BDKRB1: variants seen among roughly 807,000 people sequenced by gnomAD.
BDKRB1 encodes bradykinin receptor B1.
For missense variants in BDKRB1, 414 were observed against 441.4 expected (o/e 0.94, Z 0.56); for synonymous variants, 192 against 189.1 (o/e 1.02, Z -0.13).
chr14:96,256,662 T>A (rs1166652139), intron 1 of BDKRB1, among the ~76,000 whole-genome samples: 1 of 152,172 alleles, frequency 6.6e-6, no homozygotes, highest in African/African-American at 2.4e-5. Context: ...TCATAAAAAT[T>A]AAATTAGTCT....
At chr14:96,259,287 A>AG (rs1885690652) in intron 1 of BDKRB1, 1 of 129,276 alleles carries the variant, frequency 7.7e-6, no homozygotes, top group Admixed American at 7.2e-5. Context: ...AATGTCCACT[A>AG]AAATTGATTG....
chr14:96,260,684 A>G (rs941602557), intron 1 of BDKRB1, among the ~76,000 whole-genome samples: 2 of 152,194 alleles, frequency 1.3e-5, no homozygotes, highest in African/African-American at 4.8e-5. Context: ...CTCAGCTTCC[A>G]TGTGCCATGG....
chr14:96,259,409 C>A (rs1490944027), intron 1 of BDKRB1: 1 of 152,162 alleles, frequency 6.6e-6, no homozygotes, highest in Admixed American at 6.5e-5. Flanking sequence ...TATGTTTTAA[C>A]ATTTTGTAAA....
Position 96,262,606 on chromosome 14 carries a change from C to CTTTTT in BDKRB1, c.-129-30_-129-26dup, listed in dbSNP as rs34474132. The CTTTTT allele has an allele frequency of 1.3e-3, 389 of 310,712 alleles. 3 individuals are homozygous for CTTTTT. Among genetic ancestry groups the CTTTTT allele is most frequent in the South Asian group, 1.7e-3 (81 of 47,232 alleles). The allele number at this position is 310,712 out of a possible 1,614,324, so 19.2% of individuals were successfully genotyped here. On this transcript the variant is annotated intron_variant, in intron 1 of 2. Transcript: ENST00000216629. Reference sequence around the variant, plus strand: ...TTTTTCTTTTCTCTCTCTCTCTCTCCTTTTTTTTTTTTTTTTTTTTGTTGT... The same window carrying CTTTTT: ...TTTTTCTTTTCTCTCTCTCTCTCTCCTTTTTTTTTTTTTTTTTTTTTTTTTGTTGT...
chr14:96,257,337 T>C (rs141542618), intron 1 of BDKRB1, among the ~76,000 whole-genome samples: 85 of 152,320 alleles, frequency 5.6e-4, no homozygotes, highest in African/African-American at 1.9e-3. Context: ...CTATAATTAA[T>C]TATCACAAAG....
At chr14:96,261,897 G>A (rs1189151118) in intron 1 of BDKRB1, among the ~76,000 whole-genome samples, 1 of 152,218 alleles carries the variant, frequency 6.6e-6, no homozygotes, top group African/African-American at 2.4e-5. Context: ...ATGAGCACAG[G>A]ATGGGATCTA....
At chr14:96,257,543 G>T (rs1342685004) in intron 1 of BDKRB1, among the ~76,000 whole-genome samples, 1 of 152,002 alleles carries the variant, frequency 6.6e-6, no homozygotes, top group Non-Finnish European at 1.5e-5. Flanking sequence ...GATTTGGGTG[G>T]GGACACAGCC....
chr14:96,261,370 T>C (rs972505210), intron 1 of BDKRB1, among the ~76,000 whole-genome samples: 7 of 152,228 alleles, frequency 4.6e-5, no homozygotes, highest in African/African-American at 1.7e-4. Context: ...TCTCAGTAAA[T>C]ACTTGTTCAG....
intron 1 of BDKRB1, among the ~76,000 whole-genome samples, chr14:96,261,107 C>T (rs1566702715): frequency 2.0e-5 from 3 of 152,202 alleles, no homozygotes; most frequent in Admixed American, 6.5e-5. Context: ...TTTCTCCCAC[C>T]CAGATCCAAC....
chr14:96,258,812 C>T (rs575050498), intron 1 of BDKRB1, among the ~76,000 whole-genome samples: 12 of 152,088 alleles, frequency 7.9e-5, no homozygotes, highest in South Asian at 2.1e-4. Context: ...TGAGCCACAC[C>T]GTGCCCAGCC....
chr14:96,260,697 AT>A (rs1284428235), intron 1 of BDKRB1, among the ~76,000 whole-genome samples: 1 of 152,156 alleles, frequency 6.6e-6, no homozygotes, highest in Non-Finnish European at 1.5e-5. Flanking sequence ...TGCCATGGAC[AT>A]TTCACAACCA....
At chr14:96,256,487 T>G (rs1885621477) in intron 1 of BDKRB1, among the ~76,000 whole-genome samples, 187 bp downstream of exon 1, 1 of 152,216 alleles carries the variant, frequency 6.6e-6, no homozygotes, top group African/African-American at 2.4e-5. Context: ...ATGCCTAGTT[T>G]GGGTCTTAAT....
rs1885817107 is a variant in BDKRB1 at position 96,263,853 on chromosome 14, T to G, written c.171T>G (p.Phe57Leu). The G allele has an allele frequency of 6.2e-7, 1 of 1,614,206 alleles. No homozygotes were observed. Among genetic ancestry groups the G allele is most frequent in the Non-Finnish European group, 8.5e-7 (1 of 1,180,016 alleles). Reference sequence around the variant, plus strand: ...TCTTCGGCCTCCTAGGGAACCTTTTTGTCCTGTTGGTCTTCCTCCTGCCCC... The same window carrying G: ...TCTTCGGCCTCCTAGGGAACCTTTTGGTCCTGTTGGTCTTCCTCCTGCCCC... ...ICFFGLLGNLFVLLVFLLPRR... is the reference protein window; with the variant it reads ...ICFFGLLGNLLVLLVFLLPRR... Residue 57 changes from phenylalanine to leucine, a missense_variant, in exon 3 of 3, where the codon TTT becomes TTG. By Grantham distance (22) the Phe-to-Leu change is conservative. Transcript: ENST00000216629.
intron 1 of BDKRB1, among the ~76,000 whole-genome samples, chr14:96,257,734 C>T (rs542492001): frequency 6.6e-6 from 1 of 152,322 alleles, no homozygotes; most frequent in Non-Finnish European, 1.5e-5. Context: ...TCCTGGCCAT[C>T]ATCAGAGATA....
Position 96,262,648 on chromosome 14 carries a change from A to G in BDKRB1, c.-129-4A>G, listed in dbSNP as rs566182572. Reference sequence around the variant, plus strand: ...TTTTGTTGTTGTTGTTGTTGTTGAGACAGGGTCTCAGTCCGTCGGCCCAGA... The same window carrying G: ...TTTTGTTGTTGTTGTTGTTGTTGAGGCAGGGTCTCAGTCCGTCGGCCCAGA... On this transcript the variant is annotated splice_polypyrimidine_tract_variant and splice_region_variant and intron_variant, in intron 1 of 2. Coordinates refer to ENST00000216629, the MANE Select transcript of BDKRB1 (RefSeq NM_000710.4). The G allele has an allele frequency of 3.1e-4, 122 of 398,386 alleles. No homozygotes were observed. The highest frequency in any genetic ancestry group is 3.0e-3 in the African/African-American group (108 of 35,984). The allele number at this position is 398,386 out of a possible 1,614,324, so 24.7% of individuals were successfully genotyped here.
At chr14:96,262,614 TTTTTTTTTTTTTG>T (rs778254459) in intron 1 of BDKRB1, 25 bp from the exon 2 acceptor site, 45 of 316,644 alleles carry the variant, frequency 1.4e-4, no homozygotes, top group South Asian at 9.4e-4. Flanking sequence ...TCCTTTTTTT[TTTTTTTTTTTTTG>T]TTGTTGTTGT....
intron 1 of BDKRB1, chr14:96,259,847 C>A (rs764219358): frequency 2.0e-4 from 31 of 152,128 alleles, no homozygotes; most frequent in Admixed American, 1.3e-4. Context: ...ATGGAGCCAA[C>A]ACACAGTCAG....
chr14:96,261,048 A>G (rs893103424), intron 1 of BDKRB1, among the ~76,000 whole-genome samples: 6 of 152,014 alleles, frequency 3.9e-5, no homozygotes, highest in African/African-American at 1.2e-4. Flanking sequence ...TGACAACTTC[A>G]TACTTCCCAG....
intron 1 of BDKRB1, among the ~76,000 whole-genome samples, chr14:96,257,096 C>T (rs1361261371): frequency 6.6e-6 from 1 of 152,248 alleles, no homozygotes; most frequent in Non-Finnish European, 1.5e-5. Flanking sequence ...TCCTCTCTAG[C>T]CAACTTTATA....
Sources: gnomAD v4.1 joint callset for allele counts (sites outside exome capture counted in the v4.1 genomes callset) on GRCh38, gnomAD v4.1.1 for gene constraint, MANE v1.5 for transcripts, NCBI Gene and HGNC (gene_info 2026-07-23, HGNC 2026-07-21) for gene names.